The following ZZEF1 variants were observed in gnomAD, a reference collection of about 807,000 sequenced individuals.
The protein encoded by ZZEF1 is zinc finger ZZ-type and EF-hand domain-containing protein 1.
A neutral mutation model predicts 342.8 loss-of-function variants in ZZEF1; 157 were observed. The ratio of observed to expected loss-of-function variants is 0.46; its 90% confidence interval spans 0.40 to 0.52. ZZEF1 has a LOEUF of 0.52. Ranked by LOEUF, ZZEF1 falls within the 20% of genes least tolerant of loss-of-function variation. The pLI, the probability that ZZEF1 is intolerant of heterozygous loss-of-function variation, is 0.00. For missense variants in ZZEF1, 3,480 were observed against 3,725.6 expected, an observed-to-expected ratio of 0.93 and a Z score of 1.72; for synonymous variants, 1,505 against 1,429.1, an observed-to-expected ratio of 1.05 and a Z score of -1.20.
In ZZEF1 at chr17:4,066,471, T is replaced by C; in HGVS notation, c.4225A>G (p.Thr1409Ala). ...CCCAGGCTCTCAGGGTTCACCTCAG[T>C]AGCTTCTGAACTATGTTTTTCTTCT... is the stretch of plus-strand genomic sequence containing the variant. ...EAEEKHSSEA[T>A]EVNPESLAKE... is the part of the protein sequence containing the mutation. Residue 1409 changes from threonine to alanine, a missense_variant, in exon 28 of 55, where the codon ACT (threonine) becomes GCT (alanine). By Grantham distance (58) the Thr-to-Ala change is moderately conservative (BLOSUM62 0). This residue lies in a region of ZZEF1 where 1,528 missense variants were observed against 1,624.1 expected (regional missense o/e 0.94). Transcript: ENST00000381638. The C allele has an allele frequency of 1.2e-6, 2 of 1,614,162 alleles. No individual in the cohort carries two copies. The highest frequency in any genetic ancestry group is 1.3e-5 in the African/African-American group (1 of 75,046).
At chr17:4,018,105 T>G (rs1177984051) in intron 46 of ZZEF1, 134 bp from the exon 47 acceptor site, 4 of 1,196,794 alleles carry the variant, frequency 3.3e-6, no homozygotes, top group Non-Finnish European at 4.7e-6. Context: ...ATTCCGTGTT[T>G]TGCCAACTGG....
At chr17:4,022,575 G>A in intron 44 of ZZEF1, 134 bp downstream of exon 44, 1 of 1,247,762 alleles carries the variant, frequency 8.0e-7, no homozygotes, top group Non-Finnish European at 1.1e-6. Context: ...GAATACAGAA[G>A]CAAGGGAGTT....
chr17:4,036,850 A>ACCC (rs2056684522), intron 39 of ZZEF1, among the ~76,000 whole-genome samples: 1 of 67,618 alleles, frequency 1.5e-5, no homozygotes, highest in Non-Finnish European at 3.4e-5. Flanking sequence ...CTCTCCCCGC[A>ACCC]CCCCGCCCGC....
chr17:4,096,353 T>C (rs1339644622), intron 10 of ZZEF1, among the ~76,000 whole-genome samples: 1 of 150,860 alleles, frequency 6.6e-6, no homozygotes, highest in East Asian at 1.9e-4. Context: ...TGAAATGTAA[T>C]AAAAGGTAAT....
At chr17:4,079,480 A>T (rs1370973646) in intron 18 of ZZEF1, among the ~76,000 whole-genome samples, 1 of 152,234 alleles carries the variant, frequency 6.6e-6, no homozygotes, top group Admixed American at 6.5e-5. Flanking sequence ...CATACTGATG[A>T]GACTGAAGTG....
chr17:4,074,085 G>T (rs1338158517), intron 24 of ZZEF1, 65 bp downstream of exon 24: 34 of 1,572,676 alleles, frequency 2.2e-5, no homozygotes, highest in Non-Finnish European at 2.8e-5. Context: ...CCTACAAGAG[G>T]GCAAGCGCGC....
At chr17:4,039,082 T>A (rs879571599) in intron 39 of ZZEF1, among the ~76,000 whole-genome samples, 1 of 151,612 alleles carries the variant, frequency 6.6e-6, no homozygotes, top group Non-Finnish European at 1.5e-5. Flanking sequence ...TCAGTGGTGA[T>A]TTTAAAAAGT....
intron 8 of ZZEF1, 84 bp downstream of exon 8, chr17:4,104,549 A>C: frequency 4.1e-6 from 6 of 1,451,738 alleles, no homozygotes; most frequent in Non-Finnish European, 5.7e-6. Flanking sequence ...ATGAGAAGAT[A>C]CCAGGAGGTC....
At position 4,056,283 on chromosome 17, in the gene ZZEF1, C is replaced by G; in HGVS notation, c.5228G>C (p.Cys1743Ser). Residue 1743 changes from cysteine (C) to serine (S), a missense_variant, in exon 33 of 55, where the codon TGT (cysteine) becomes TCT (serine). Around this residue, in one of 5 missense-constraint regions of ZZEF1, gnomAD observed 175 missense variants for 254.6 expected, o/e 0.69. Transcript: ENST00000381638. ...AKQNSEWMDE[C>S]QDGMFEAWYE... ...CCAGGCCTCAAACATGCCATCCTGA[C>G]ACTCATCCATCCATTCTGAATTCTG... The G allele has an allele frequency of 6.2e-7, 1 of 1,600,802 alleles. No homozygotes were observed. The highest frequency in any genetic ancestry group is 1.3e-5 in the African/African-American group (1 of 74,902).
chr17:4,123,683 G>A (rs948564420), intron 2 of ZZEF1, among the ~76,000 whole-genome samples: 4 of 152,142 alleles, frequency 2.6e-5, no homozygotes, highest in African/African-American at 4.8e-5. Flanking sequence ...AATAAGGAAA[G>A]CGGCCACGTG....
In ZZEF1 at chr17:4,087,364, C is replaced by A; in HGVS notation, c.2342+70G>T. On this transcript the variant is annotated intron_variant, in intron 14 of 54. Coordinates refer to ENST00000381638, the MANE Select transcript of ZZEF1 (RefSeq NM_015113.4). ...GTAAAAAAAAAATTAGGAAAAAAATCCACTTAGAATAGTAAAACTCATTGT... is the reference window on the plus strand; with the variant it reads ...GTAAAAAAAAAATTAGGAAAAAAATACACTTAGAATAGTAAAACTCATTGT... 3.9e-6 allele frequency: 5 copies of A among 1,283,804 alleles called. No individual in the cohort carries two copies. In the East Asian group the frequency reaches 7.3e-5, roughly 19 times the overall value. The allele number at this position is 1,283,804 out of a possible 1,614,324, so 79.5% of individuals were successfully genotyped here.
In ZZEF1 at chr17:4,082,259, T is replaced by C. The variant is rs114196041; in HGVS notation, c.2714+178A>G. Among the ~76,000 whole-genome samples, 868 of 152,306 alleles carry C rather than the reference T, an allele frequency of 5.7e-3. 8 individuals are homozygous for C. The highest frequency in any genetic ancestry group is 0.02 in the African/African-American group (835 of 41,552). On this transcript the variant is annotated intron_variant, in intron 17 of 54. Coordinates refer to ENST00000381638, the MANE Select transcript of ZZEF1 (RefSeq NM_015113.4). ...TGTCTTAAAATGGATGGGAACTGGATTGGGCTGTCAACAAGATTATTATTT... is the reference window on the plus strand; with the variant it reads ...TGTCTTAAAATGGATGGGAACTGGACTGGGCTGTCAACAAGATTATTATTT...
intron 5 of ZZEF1, among the ~76,000 whole-genome samples, chr17:4,112,344 C>T (rs2058326812): frequency 6.6e-6 from 1 of 151,686 alleles, no homozygotes; most frequent in Non-Finnish European, 1.5e-5. Flanking sequence ...CAGGGTTTCA[C>T]CATGTTGGCC....
At chr17:4,032,687 C>T (rs768498897) in intron 41 of ZZEF1, 141 bp downstream of exon 41, 2 of 802,310 alleles carry the variant, frequency 2.5e-6, no homozygotes, top group Non-Finnish European at 1.9e-6. Context: ...TACTTCAATA[C>T]TACAAAAGCA....
At chr17:4,015,130 A>G (rs1244963432) in intron 49 of ZZEF1, among the ~76,000 whole-genome samples, 1 of 152,156 alleles carries the variant, frequency 6.6e-6, no homozygotes, top group Non-Finnish European at 1.5e-5. Context: ...CTGAGGCAAA[A>G]GTGAGGAAAT....
Position 4,086,530 on chromosome 17 carries a change from T to G in ZZEF1, c.2468A>C (p.Lys823Thr). 6.2e-7 allele frequency: 1 copy of G among 1,614,164 alleles called. No individual in the cohort carries two copies. Among genetic ancestry groups the G allele is most frequent in the Non-Finnish European group, 8.5e-7 (1 of 1,180,024 alleles). ...EEEKAPIQSP[K>T]GVEAAKELYT... is the part of the protein sequence containing the mutation. ...CAGCTCCTTGGCAGCCTCTACTCCT[T>G]TAGGGCTTTGGATTGGAGCCTTTTC... The change falls in exon 15 of 55, where the codon AAA becomes ACA. Residue 823 changes from lysine to threonine, a missense_variant. Around this residue, in one of 5 missense-constraint regions of ZZEF1, gnomAD observed 1,528 missense variants for 1,624.1 expected, o/e 0.94. Transcript: ENST00000381638.
chr17:4,097,246 C>T (rs1351866178), intron 9 of ZZEF1, among the ~76,000 whole-genome samples: 6 of 97,026 alleles, frequency 6.2e-5, no homozygotes, highest in Non-Finnish European at 1.2e-4. Flanking sequence ...AGTGAAACTC[C>T]GTCTCAAAAA....
At chr17:4,010,992 G>A (rs936992496) in intron 52 of ZZEF1, among the ~76,000 whole-genome samples, 5 of 151,990 alleles carry the variant, frequency 3.3e-5, no homozygotes, top group Non-Finnish European at 7.4e-5. Context: ...AAGAGGCTGA[G>A]GTGGAAGGAT....
chr17:4,119,642 T>C (rs937505392), intron 2 of ZZEF1, among the ~76,000 whole-genome samples: 3 of 152,208 alleles, frequency 2.0e-5, no homozygotes, highest in Non-Finnish European at 2.9e-5. Flanking sequence ...AGCTTGTGTC[T>C]GATTTTCCAC....
Sources: allele counts gnomAD v4.1 joint callset (sites outside exome capture counted in the v4.1 genomes callset), GRCh38; gene constraint gnomAD v4.1.1; regional missense constraint gnomAD v4.1.1; transcripts MANE v1.5; gene names NCBI Gene and HGNC (gene_info 2026-07-23, HGNC 2026-07-21).